Variants in ERC2 observed in about 807,000 individuals in gnomAD.
The protein encoded by ERC2 is ELKS/RAB6-interacting/CAST family member 2, also known as ERC protein 2.
A neutral mutation model predicts 114.8 loss-of-function variants in ERC2; 42 were observed. That is an observed-to-expected ratio of 0.37 (90% CI 0.29 to 0.47). The LOEUF (loss-of-function observed/expected upper bound fraction) is 0.47. Among genes scored for constraint, ERC2 ranks in the 20% least tolerant of loss-of-function variants. The pLI is 0.99. For synonymous variants in ERC2, 454 were observed against 425.5 expected, an observed-to-expected ratio of 1.07 and a Z score of -0.82; for missense variants, 939 against 1,150.7, an observed-to-expected ratio of 0.82 and a Z score of 2.66.
intron 1 of ERC2, among the ~76,000 whole-genome samples, chr3:56,461,165 C>T (rs1333417074): frequency 6.6e-6 from 1 of 152,110 alleles, no homozygotes; most frequent in Non-Finnish European, 1.5e-5. Flanking sequence ...CCACTCTTTT[C>T]CTAACTACAA....
intron 3 of ERC2, among the ~76,000 whole-genome samples, chr3:56,229,862 CTTTTTT>C (rs34357962): frequency 3.5e-5 from 2 of 56,628 alleles, no homozygotes; most frequent in African/African-American, 6.9e-5. Flanking sequence ...AATATCTAGT[CTTTTTT>C]TTTTTTTTTT....
At chr3:56,375,399 G>A (rs1308545885) in intron 2 of ERC2, among the ~76,000 whole-genome samples, 1 of 152,176 alleles carries the variant, frequency 6.6e-6, no homozygotes, top group Non-Finnish European at 1.5e-5. Context: ...CCCAGTAGGA[G>A]GAAGACACTG....
At chr3:56,129,801 C>T (rs1196736518) in intron 6 of ERC2, among the ~76,000 whole-genome samples, 1 of 152,158 alleles carries the variant, frequency 6.6e-6, no homozygotes, top group Non-Finnish European at 1.5e-5. Context: ...AGAGCTCTGA[C>T]TCGATACCTC....
chr3:56,096,146 A>G (rs2078051202), intron 6 of ERC2, among the ~76,000 whole-genome samples: 1 of 152,242 alleles, frequency 6.6e-6, no homozygotes, highest in South Asian at 2.1e-4. Context: ...ACTGAACAGC[A>G]GCTGCTGTTT....
rs2051904725 is a variant in ERC2, at chr3:55,508,675, T to C, written c.*2641A>G. On this transcript the variant is annotated 3_prime_UTR_variant, in exon 18 of 18. Transcript: ENST00000288221. ...AAAAACATTGCAGATAGAGCTTACG[T>C]CAACACATCTGAGGTCTCGTCATAA... 6.6e-6 allele frequency: 1 copy of C among 152,546 alleles called. No homozygotes were observed. Among genetic ancestry groups the C allele is most frequent in the Non-Finnish European group, 1.5e-5 (1 of 68,024 alleles). The allele number at this position is 152,546 out of a possible 1,614,324, so 9.4% of individuals were successfully genotyped here. A position where few individuals can be genotyped will look rare whatever the true frequency, so the allele number is the denominator to read the frequency against.
At chr3:55,799,006 G>C (rs577734718) in intron 14 of ERC2, among the ~76,000 whole-genome samples, 1 of 152,138 alleles carries the variant, frequency 6.6e-6, no homozygotes, top group South Asian at 2.1e-4. Flanking sequence ...GACAAGAAGC[G>C]CATGTACGTA....
chr3:55,561,753 C>T (rs2056037617), intron 17 of ERC2, among the ~76,000 whole-genome samples: 4 of 152,152 alleles, frequency 2.6e-5, no homozygotes, highest in Admixed American at 2.6e-4. Flanking sequence ...CCAAGGTCTA[C>T]TCTCAGTCCA....
At chr3:55,624,572 G>A (rs995580551) in intron 17 of ERC2, among the ~76,000 whole-genome samples, 3 of 152,176 alleles carry the variant, frequency 2.0e-5, no homozygotes, top group Non-Finnish European at 4.4e-5. Flanking sequence ...CTAGACATGA[G>A]GTGTTAATGC....
intron 2 of ERC2, among the ~76,000 whole-genome samples, chr3:56,344,873 G>A (rs2058244800): frequency 6.6e-6 from 1 of 152,104 alleles, no homozygotes; most frequent in African/African-American, 2.4e-5. Flanking sequence ...ATCTGCTACA[G>A]GAAAAAACGG....
At chr3:56,050,374 G>C (rs1234986048) in intron 7 of ERC2, among the ~76,000 whole-genome samples, 1 of 152,204 alleles carries the variant, frequency 6.6e-6, no homozygotes, top group Non-Finnish European at 1.5e-5. Flanking sequence ...CAAGGGACCA[G>C]AGTAGAAACA....
chr3:56,348,430 G>A (rs573115780), intron 2 of ERC2, among the ~76,000 whole-genome samples: 34 of 151,774 alleles, frequency 2.2e-4, no homozygotes, highest in African/African-American at 4.8e-4. Flanking sequence ...CAGAGTGTGC[G>A]TGCTGTCTAG....
At chr3:55,828,621 T>C (rs905920049) in intron 14 of ERC2, among the ~76,000 whole-genome samples, 1 of 152,160 alleles carries the variant, frequency 6.6e-6, no homozygotes, top group Non-Finnish European at 1.5e-5. Context: ...GAAAATTTCA[T>C]AAGTTCATGT....
At chr3:55,652,319 A>C (rs2060660153) in intron 17 of ERC2, among the ~76,000 whole-genome samples, 1 of 152,168 alleles carries the variant, frequency 6.6e-6, no homozygotes, top group African/African-American at 2.4e-5. Flanking sequence ...TTGACTATTG[A>C]CTTTTGACAT....
chr3:55,664,889 G>A (rs2061296956), intron 17 of ERC2, among the ~76,000 whole-genome samples: 1 of 152,206 alleles, frequency 6.6e-6, no homozygotes, highest in East Asian at 1.9e-4. Context: ...TTGATGGAGA[G>A]AGGCAAGCAG....
chr3:55,871,222 G>A (rs1575948663), intron 14 of ERC2, among the ~76,000 whole-genome samples: 1 of 152,202 alleles, frequency 6.6e-6, no homozygotes, highest in East Asian at 1.9e-4. Flanking sequence ...TCAACATCTA[G>A]TACAGTGGGA....
chr3:55,923,749 A>G (rs1336018779), intron 13 of ERC2, among the ~76,000 whole-genome samples: 3 of 152,074 alleles, frequency 2.0e-5, no homozygotes, highest in Non-Finnish European at 4.4e-5. Flanking sequence ...TAAATTTTCT[A>G]CTGCTTTAGG....
intron 2 of ERC2, among the ~76,000 whole-genome samples, chr3:56,301,616 G>C (rs1341422532): frequency 1.3e-5 from 2 of 152,032 alleles, no homozygotes; most frequent in Non-Finnish European, 2.9e-5. Flanking sequence ...TATGCCTATA[G>C]TCCCAGCTAC....
chr3:56,263,095 A>G lies in ERC2; in HGVS notation c.1074+32924T>C, dbSNP rs1306730694. 4.6e-5 allele frequency among the ~76,000 whole-genome samples: 7 copies of G among 152,210 alleles called. No individual in the cohort carries two copies. In the East Asian group the frequency reaches 1.2e-3, roughly 25 times the overall value. ...GAAGAGCCCTTAACATTTCACTCTCAGGCTTATGTAACTTACAAGATAGTA... is the reference window on the plus strand; with the variant it reads ...GAAGAGCCCTTAACATTTCACTCTCGGGCTTATGTAACTTACAAGATAGTA... On this transcript the variant is annotated intron_variant, in intron 3 of 17. Transcript: ENST00000288221.
At chr3:55,637,197 A>G (rs865274) in intron 17 of ERC2, among the ~76,000 whole-genome samples, 1 of 152,174 alleles carries the variant, frequency 6.6e-6, no homozygotes, top group African/African-American at 2.4e-5. Context: ...CAATGATAGC[A>G]CTCCTTTGTC....
Sources: gnomAD v4.1 joint callset for allele counts (sites outside exome capture counted in the v4.1 genomes callset) on GRCh38, gnomAD v4.1.1 for gene constraint, MANE v1.5 for transcripts, NCBI Gene and HGNC (gene_info 2026-07-23, HGNC 2026-07-21) for gene names.